The following CAMKV variants were observed in gnomAD, a reference collection of about 807,000 sequenced individuals.
CAMKV encodes the protein CaM kinase like vesicle associated.
A neutral mutation model predicts 50.2 loss-of-function variants in CAMKV; 5 were observed. That is an observed-to-expected ratio of 0.10 (90% CI 0.05 to 0.21). The LOEUF (loss-of-function observed/expected upper bound fraction) is 0.21. Ranked by LOEUF, CAMKV falls within the 10% of genes least tolerant of loss-of-function variation. The pLI, the probability that CAMKV is intolerant of heterozygous loss-of-function variation, is 1.00. For synonymous variants in CAMKV, 229 were observed against 250.1 expected (o/e 0.92, Z 0.80); for missense variants, 361 against 650.5 (o/e 0.55, Z 4.84).
At position 49,861,143 on chromosome 3, in the gene CAMKV, C is replaced by A; in HGVS notation, c.562+37G>T. On this transcript the variant is annotated intron_variant, in intron 6 of 10. Transcript: ENST00000477224. This position sits in a 1 kb window ranked among gnomAD's most constrained non-coding sequence, Gnocchi z 7.7. ...AGAGCAGCTCCCTGAAGGCTGCCCC[C>A]CATTATCCCCCTGCCCCTGCCCCAC... 1 of 1,585,076 alleles carries A rather than the reference C, an allele frequency of 6.3e-7. No homozygotes were observed. Among genetic ancestry groups the A allele is most frequent in the South Asian group, 1.1e-5 (1 of 87,612 alleles).
At position 49,862,353 on chromosome 3, in the gene CAMKV, C is replaced by T. The variant is rs771453537; in HGVS notation, c.36G>A (p.Lys12=). 1.9e-6 allele frequency: 3 copies of T among 1,614,202 alleles called. No individual in the cohort carries two copies. The highest frequency in any genetic ancestry group is 2.5e-6 in the Non-Finnish European group (3 of 1,180,038). The stretch of plus-strand genomic sequence containing the variant: ...TCACCTCCGATGGCTGGTTATAGTT[C>T]TTCTTGTCGCCCAGAGTCACACACC... The part of the protein sequence containing the change: ...PFGCVTLGDK[K]NYNQPSEVTD... The change falls in exon 2 of 11, where the codon AAG becomes AAA. Residue 12 remains lysine (K), a synonymous_variant. Transcript: ENST00000477224. The surrounding 1 kb of genome is among the most constrained non-coding windows in gnomAD (Gnocchi z 5.2).
intron 1 of CAMKV, chr3:49,863,550 C>G (rs566220117): frequency 3.3e-5 from 5 of 152,314 alleles, no homozygotes; most frequent in South Asian, 4.1e-4. Context: ...ATACTAATGC[C>G]AAACTTAGTG....
Position 49,861,741 on chromosome 3 carries a change from G to T in CAMKV, c.302+50C>A, listed in dbSNP as rs1266876480. On this transcript the variant is annotated intron_variant, in intron 4 of 10. Coordinates refer to ENST00000477224, the MANE Select transcript of CAMKV (RefSeq NM_024046.5). This position sits in a 1 kb window ranked among gnomAD's most constrained non-coding sequence, Gnocchi z 7.7. ...TCCTTAGCTGCAGAGGGTGGGACAG[G>T]TGAAAGCCCTGGGCGCTGGGGAATC... is the stretch of plus-strand genomic sequence containing the variant. 1 of 1,605,880 alleles carries T rather than the reference G, an allele frequency of 6.2e-7. No individual in the cohort carries two copies. The highest frequency in any genetic ancestry group is 1.3e-5 in the African/African-American group (1 of 74,774).
chr3:49,859,103 T>G lies in CAMKV; in HGVS notation c.*215A>C, dbSNP rs890174422. On this transcript the variant is annotated 3_prime_UTR_variant, in exon 11 of 11. Coordinates refer to ENST00000477224, the MANE Select transcript of CAMKV (RefSeq NM_024046.5). The surrounding 1 kb of genome is among the most constrained non-coding windows in gnomAD (Gnocchi z 5.5). Reference sequence around the variant, plus strand: ...AGCCACAAGGAATCCATGCAGGGGCTGGGGCCGGCCCTGCCACTGGCCTGC... The same window carrying G: ...AGCCACAAGGAATCCATGCAGGGGCGGGGGCCGGCCCTGCCACTGGCCTGC... 4.2e-6 allele frequency: 2 copies of G among 472,896 alleles called. No individual in the cohort carries two copies. Among genetic ancestry groups the G allele is most frequent in the East Asian group, 3.1e-5 (1 of 32,168 alleles). The allele number at this position is 472,896 out of a possible 1,614,324, so 29.3% of individuals were successfully genotyped here. A position where few individuals can be genotyped will look rare whatever the true frequency, so the allele number is the denominator to read the frequency against.
rs999209757 is a variant in CAMKV at position 49,869,121 on chromosome 3, C to A, written c.-15+637G>T. ...CCCCGCTGGCACAGCAACACACATGCGGAAAGCACACGTGTGAGCACCAAG... is the reference window on the plus strand; with the variant it reads ...CCCCGCTGGCACAGCAACACACATGAGGAAAGCACACGTGTGAGCACCAAG... On this transcript the variant is annotated intron_variant, in intron 1 of 10. Transcript: ENST00000477224. The surrounding 1 kb of genome is among the most constrained non-coding windows in gnomAD (Gnocchi z 5.2). Among the ~76,000 whole-genome samples the A allele has an allele frequency of 1.3e-5, 2 of 152,282 alleles. No homozygotes were observed. Among genetic ancestry groups the A allele is most frequent in the South Asian group, 4.1e-4 (2 of 4,820 alleles).
intron 1 of CAMKV, among the ~76,000 whole-genome samples, chr3:49,866,364 A>G (rs1210623848): frequency 1.3e-5 from 2 of 152,218 alleles, no homozygotes; most frequent in Non-Finnish European, 2.9e-5. Context: ...GAGGAGGCCA[A>G]GTGGAAGGGG....
chr3:49,858,044 C>T lies in CAMKV; in HGVS notation c.*1274G>A, dbSNP rs1239318675. 3 of 387,288 alleles carry T rather than the reference C, an allele frequency of 7.7e-6. No individual in the cohort carries two copies. Among genetic ancestry groups the T allele is most frequent in the Admixed American group, 4.5e-5 (1 of 22,296 alleles). The allele number at this position is 387,288 out of a possible 1,614,324, so 24.0% of individuals were successfully genotyped here. On this transcript the variant is annotated 3_prime_UTR_variant, in exon 11 of 11. Transcript: ENST00000477224. Reference sequence around the variant, plus strand: ...TTCAGTAGGCACACAGTTAACCCACCGACCTTCACACACCAGAGCAGACCC... The same window carrying T: ...TTCAGTAGGCACACAGTTAACCCACTGACCTTCACACACCAGAGCAGACCC...
chr3:49,860,445 C>A lies in CAMKV; in HGVS notation c.854+26G>T, dbSNP rs756072830. On this transcript the variant is annotated intron_variant, in intron 9 of 10. Coordinates refer to ENST00000477224, the MANE Select transcript of CAMKV (RefSeq NM_024046.5). This position sits in a 1 kb window ranked among gnomAD's most constrained non-coding sequence, Gnocchi z 6.1. ...GGGTGTGAGGGGGACCCTGGCCTCTCCCACCCTCCCCTGGACCCTGCTCAC... is the reference window on the plus strand; with the variant it reads ...GGGTGTGAGGGGGACCCTGGCCTCTACCACCCTCCCCTGGACCCTGCTCAC... The A allele has an allele frequency of 3.1e-6, 5 of 1,603,074 alleles. No individual in the cohort carries two copies. The highest frequency in any genetic ancestry group is 3.4e-6 in the Non-Finnish European group (4 of 1,171,798).
Position 49,861,250 on chromosome 3 carries a change from G to A in CAMKV, c.492C>T (p.Ile164=), listed in dbSNP as rs1284457900. The change falls in exon 6 of 11, where the codon ATC becomes ATT. Residue 164 remains isoleucine (I), a synonymous_variant. Transcript: ENST00000477224. The surrounding 1 kb of genome is among the most constrained non-coding windows in gnomAD (Gnocchi z 7.7). ...YNRLKNSKIV[I]SDFHLAKLEN... ...CTAGCTTAGCCAGATGGAAGTCACT[G>A]ATGACAATCTTCGAGTTCTTCAGCC... 1.2e-6 allele frequency: 2 copies of A among 1,614,000 alleles called. No individual in the cohort carries two copies. Among genetic ancestry groups the A allele is most frequent in the Non-Finnish European group, 1.7e-6 (2 of 1,180,040 alleles).
At chr3:49,867,274 G>A (rs904954259) in intron 1 of CAMKV, among the ~76,000 whole-genome samples, 50 of 152,350 alleles carry the variant, frequency 3.3e-4, no homozygotes, top group African/African-American at 1.2e-3. Context: ...TCAGGGGACC[G>A]GTCAAGGGGC....
At position 49,858,462 on chromosome 3, in the gene CAMKV, T is replaced by G; in HGVS notation, c.*856A>C. 2.5e-6 allele frequency: 1 copy of G among 396,854 alleles called. No homozygotes were observed. Among genetic ancestry groups the G allele is most frequent in the East Asian group, 3.6e-5 (1 of 28,004 alleles). 24.6% of individuals were successfully genotyped at this position (396,854 alleles called of 1,614,324 possible). A position where few individuals can be genotyped will look rare whatever the true frequency, so the allele number is the denominator to read the frequency against. On this transcript the variant is annotated 3_prime_UTR_variant, in exon 11 of 11. Transcript: ENST00000477224. ...GGCATCTAGGAAGAGCAAGGAGGTA[T>G]CAGCCCTCCCTGTTTGGCCCAGGGT...
chr3:49,863,830 A>T (rs1190058695), intron 1 of CAMKV, among the ~76,000 whole-genome samples: 1 of 151,476 alleles, frequency 6.6e-6, no homozygotes, highest in Non-Finnish European at 1.5e-5. Context: ...GCTAATTTTT[A>T]AAAATTTTTT....
In CAMKV at chr3:49,858,484, G is replaced by T; in HGVS notation, c.*834C>A. ...GTATCAGCCCTCCCTGTTTGGCCCA[G>T]GGTAAGGACCCAGTAAGGCTGGGAC... On this transcript the variant is annotated 3_prime_UTR_variant, in exon 11 of 11. Transcript: ENST00000477224. 2.5e-6 allele frequency: 1 copy of T among 396,540 alleles called. No homozygotes were observed. The highest frequency in any genetic ancestry group is 1.4e-4 in the South Asian group (1 of 7,028). The allele number at this position is 396,540 out of a possible 1,614,324, so 24.6% of individuals were successfully genotyped here.
rs1047220317 is a variant in CAMKV at position 49,869,204 on chromosome 3, A to C, written c.-15+554T>G. Among the ~76,000 whole-genome samples the C allele has an allele frequency of 1.3e-5, 2 of 152,060 alleles. No individual in the cohort carries two copies. Among genetic ancestry groups the C allele is most frequent in the African/African-American group, 4.8e-5 (2 of 41,420 alleles). On this transcript the variant is annotated intron_variant, in intron 1 of 10. Coordinates refer to ENST00000477224, the MANE Select transcript of CAMKV (RefSeq NM_024046.5). The surrounding 1 kb of genome is among the most constrained non-coding windows in gnomAD (Gnocchi z 5.2). ...CCACCCCCACCGTGCACGTGGGTCC[A>C]TGCACTGGACCCCCAGCTGGCACCC...
chr3:49,860,231 C>A lies in CAMKV; in HGVS notation c.882G>T (p.Lys294Asn). 1 of 1,614,132 alleles carries A rather than the reference C, an allele frequency of 6.2e-7. No individual in the cohort carries two copies. The highest frequency in any genetic ancestry group is 1.1e-5 in the South Asian group (1 of 91,072). The change falls in exon 10 of 11, where the codon AAG (lysine) becomes AAT (asparagine). Residue 294 changes from lysine to asparagine, a missense_variant. Physicochemically the swap from Lys to Asn is moderately conservative, Grantham distance 94 (BLOSUM62 0). Around this residue, in one of 4 missense-constraint regions of CAMKV, gnomAD observed 172 missense variants for 414.3 expected, o/e 0.42. Coordinates refer to ENST00000477224, the MANE Select transcript of CAMKV (RefSeq NM_024046.5). The surrounding 1 kb of genome is among the most constrained non-coding windows in gnomAD (Gnocchi z 6.1). The part of the protein sequence containing the change: ...EWISGNAASD[K>N]NIKDGVCAQI... ...GGGCACAGACACCATCCTTGATGTT[C>A]TTATCAGAAGCAGCATTGCCAGAAA... is the stretch of plus-strand genomic sequence containing the variant.
In CAMKV at chr3:49,862,917, G is replaced by A. The variant is rs67070774; in HGVS notation, c.-14-515C>T. On this transcript the variant is annotated intron_variant, in intron 1 of 10. Coordinates refer to ENST00000477224, the MANE Select transcript of CAMKV (RefSeq NM_024046.5). This position sits in a 1 kb window ranked among gnomAD's most constrained non-coding sequence, Gnocchi z 5.2. ...AACCAGCAATTGCACTCCTAAATAC[G>A]TGCCTACAGAAGTGCACATATTCGT... Among the ~76,000 whole-genome samples the A allele has an allele frequency of 0.11, 16,441 of 152,216 alleles. 1,150 individuals carry two copies. Among genetic ancestry groups the A allele is most frequent in the Middle Eastern group, 0.17 (51 of 292 alleles).
Position 49,861,362 on chromosome 3 carries a change from C to A in CAMKV, c.442-62G>T. ...CACCATGAGGACCTTGGAGGCTAGA[C>A]CAAGGCCCTGAGGTGCTGCCCACCC... On this transcript the variant is annotated intron_variant, in intron 5 of 10. Transcript: ENST00000477224. The surrounding 1 kb of genome is among the most constrained non-coding windows in gnomAD (Gnocchi z 7.7). 6.2e-7 allele frequency: 1 copy of A among 1,613,436 alleles called. No individual in the cohort carries two copies. Among genetic ancestry groups the A allele is most frequent in the Non-Finnish European group, 8.5e-7 (1 of 1,179,598 alleles).
chr3:49,866,967 T>C (rs1257130983), intron 1 of CAMKV, among the ~76,000 whole-genome samples: 1 of 152,146 alleles, frequency 6.6e-6, no homozygotes, highest in African/African-American at 2.4e-5. Context: ...GAGCTTGCAG[T>C]AAATCTAGGG....
At chr3:49,863,281 A>C (rs2082038784) in intron 1 of CAMKV, 1 of 152,276 alleles carries the variant, frequency 6.6e-6, no homozygotes, top group African/African-American at 2.4e-5. Context: ...CCCTTCTAAG[A>C]GAAAAGGAGG....
Sources: gnomAD v4.1 joint callset for allele counts (sites outside exome capture counted in the v4.1 genomes callset) on GRCh38, gnomAD v4.1.1 for gene constraint, gnomAD v4.1.1 regional missense constraint, Gnocchi (gnomAD v3.1) non-coding constraint, MANE v1.5 for transcripts, NCBI Gene and HGNC (gene_info 2026-07-23, HGNC 2026-07-21) for gene names.